Variants in ELAVL2 observed in about 807,000 individuals in gnomAD.
ELAVL2 encodes ELAV-like protein 2.
Under a neutral mutation model 34.6 loss-of-function variants are expected in ELAVL2, and 4 were observed. The ratio of observed to expected loss-of-function variants is 0.12; its 90% CI spans 0.06 to 0.26. The LOEUF (loss-of-function observed/expected upper bound fraction) is 0.26. Among genes scored for constraint, ELAVL2 ranks in the 10% least tolerant of loss-of-function variants. The pLI is 1.00. For missense variants in ELAVL2, 432 were observed against 442.8 expected, an observed-to-expected ratio of 0.98 and a Z score of 0.22; for synonymous variants, 193 against 154.8, an observed-to-expected ratio of 1.25 and a Z score of -1.83.
chr9:23,779,386 C>G (rs2058723932), intron 1 of ELAVL2: 1 of 985,248 alleles, frequency 1.0e-6, no homozygotes, highest in African/African-American at 1.7e-5. Context: ...AACGCCCTGC[C>G]TAAACACTGG....
intron 2 of ELAVL2, among the ~76,000 whole-genome samples, chr9:23,736,450 T>A (rs2134894929): frequency 6.6e-6 from 1 of 152,026 alleles, no homozygotes; most frequent in East Asian, 1.9e-4. Flanking sequence ...AAAATAGAGC[T>A]AAGGAGAAAA....
chr9:23,800,592 T>C (rs951486914), intron 1 of ELAVL2, among the ~76,000 whole-genome samples: 4 of 152,170 alleles, frequency 2.6e-5, no homozygotes, highest in Admixed American at 1.3e-4. Flanking sequence ...TCAAAGAACA[T>C]AGGTCATTAT....
intron 2 of ELAVL2, among the ~76,000 whole-genome samples, chr9:23,751,320 A>G (rs2051957632): frequency 6.6e-6 from 1 of 152,208 alleles, no homozygotes; most frequent in Admixed American, 6.6e-5. Flanking sequence ...GGAAAACAAG[A>G]TGTAAAATTG....
chr9:23,761,496 C>A (rs529288269), intron 2 of ELAVL2, among the ~76,000 whole-genome samples: 35 of 152,042 alleles, frequency 2.3e-4, no homozygotes, highest in African/African-American at 6.7e-4. Flanking sequence ...TGTTAAGGAA[C>A]GGAACATAAG....
chr9:23,734,475 G>A (rs992296274), intron 2 of ELAVL2, among the ~76,000 whole-genome samples: 4 of 152,108 alleles, frequency 2.6e-5, no homozygotes, highest in Non-Finnish European at 4.4e-5. Context: ...TTGAAGTCAG[G>A]ACTTTCAAAT....
chr9:23,820,735 TCCGTGCACCCCGGCCGCCGCTGGC>T (rs1277760141), intron 1 of ELAVL2, among the ~76,000 whole-genome samples: 2 of 152,114 alleles, frequency 1.3e-5, no homozygotes. Flanking sequence ...CGCACACTAG[TCCGTGCACCCCGGCCGCCGCTGGC>T]AGGCCCTACC....
chr9:23,710,087 A>C (rs957099063), intron 3 of ELAVL2, among the ~76,000 whole-genome samples: 12 of 152,230 alleles, frequency 7.9e-5, no homozygotes, highest in Admixed American at 7.9e-4. Context: ...TGTTCTTCAC[A>C]AACAAGACTA....
rs112645257 is a variant in ELAVL2 at position 23,721,737 on chromosome 9, C to T, written c.333+9285G>A. ...CATAAACATGACAAGGGGGAAGGAT[C>T]CTTATGATGATCCACTTCCACTTAA... On this transcript the variant is annotated intron_variant, in intron 3 of 6. Coordinates refer to ENST00000397312, the MANE Select transcript of ELAVL2 (RefSeq NM_004432.5). 1.8e-4 allele frequency among the ~76,000 whole-genome samples: 27 copies of T among 152,316 alleles called. 1 individual carries two copies. The highest frequency in any genetic ancestry group is 6.3e-4 in the African/African-American group (26 of 41,564).
upstream of ELAVL2, chr9:23,826,368 G>C (rs574795655): frequency 1.3e-5 from 2 of 152,322 alleles, no homozygotes; most frequent in Non-Finnish European, 2.9e-5. Flanking sequence ...GGAAGTATAC[G>C]CCGAATCGCG....
At chr9:23,714,308 T>C (rs574328881) in intron 3 of ELAVL2, among the ~76,000 whole-genome samples, 14 of 152,292 alleles carry the variant, frequency 9.2e-5, no homozygotes, top group African/African-American at 3.4e-4. Context: ...GAACAATGTA[T>C]GCACTCTAAC....
chr9:23,844,882 G>T, the ELAVL2 span, among the ~76,000 whole-genome samples: 1 of 151,842 alleles, frequency 6.6e-6, no homozygotes, highest in Admixed American at 6.6e-5. Context: ...ATATTCAAAA[G>T]GATTTACAGG....
chr9:23,751,015 G>C (rs2051843204), intron 2 of ELAVL2, among the ~76,000 whole-genome samples: 1 of 152,106 alleles, frequency 6.6e-6, no homozygotes, highest in Non-Finnish European at 1.5e-5. Flanking sequence ...TCAGTATTAA[G>C]TCCAAAGGTC....
At chr9:23,782,475 G>C (rs1040580268) in intron 1 of ELAVL2, among the ~76,000 whole-genome samples, 2 of 152,194 alleles carry the variant, frequency 1.3e-5, no homozygotes, top group African/African-American at 4.8e-5. Context: ...AGGAGGCTGA[G>C]GCAGGAGAAT....
At chr9:23,791,498 C>T (rs1009754595) in intron 1 of ELAVL2, among the ~76,000 whole-genome samples, 2 of 152,044 alleles carry the variant, frequency 1.3e-5, no homozygotes, top group African/African-American at 2.4e-5. Context: ...TCAGTAGAAA[C>T]GGTACTTCAA....
intron 1 of ELAVL2, among the ~76,000 whole-genome samples, chr9:23,764,373 A>G (rs2055752553): frequency 6.6e-6 from 1 of 152,210 alleles, no homozygotes; most frequent in Non-Finnish European, 1.5e-5. Flanking sequence ...TCAGGTGGCA[A>G]GAATGAGCTC....
chr9:23,786,781 C>CAAA (rs57292061), intron 1 of ELAVL2, among the ~76,000 whole-genome samples: 7 of 108,092 alleles, frequency 6.5e-5, no homozygotes, highest in South Asian at 3.1e-4. Flanking sequence ...ATTTTAGTGG[C>CAAA]AAAAAAAAAA....
At chr9:23,821,508 C>G (rs2064719126) in intron 1 of ELAVL2, 1 of 152,240 alleles carries the variant, frequency 6.6e-6, no homozygotes, top group African/African-American at 2.4e-5. Flanking sequence ...CCCTGCTAGA[C>G]GCAGCGGGGG....
chr9:23,730,484 T>C (rs2046263974), intron 3 of ELAVL2, among the ~76,000 whole-genome samples: 1 of 152,194 alleles, frequency 6.6e-6, no homozygotes, highest in African/African-American at 2.4e-5. Flanking sequence ...TTTTACATTT[T>C]TTAACTTGGA....
At chr9:23,823,226 C>G (rs1311638617) in intron 1 of ELAVL2, among the ~76,000 whole-genome samples, 1 of 152,188 alleles carries the variant, frequency 6.6e-6, no homozygotes, top group South Asian at 2.1e-4. Flanking sequence ...TTTGACCTCT[C>G]AGTAAATAGT....
Sources: gnomAD v4.1 joint callset for allele counts (sites outside exome capture counted in the v4.1 genomes callset) on GRCh38, gnomAD v4.1.1 for gene constraint, MANE v1.5 for transcripts, NCBI Gene and HGNC (gene_info 2026-07-23, HGNC 2026-07-21) for gene names.